Variants in DOCK9 observed in about 807,000 individuals in gnomAD.
DOCK9 encodes the protein dedicator of cytokinesis 9.
In DOCK9, 89 loss-of-function variants were observed where a neutral mutation model predicts 263.3. That is an observed-to-expected ratio of 0.34 (90% CI 0.28 to 0.40). The LOEUF is 0.40. DOCK9 is among the 10% of genes least tolerant of loss of function. The pLI, the probability that DOCK9 is intolerant of heterozygous loss-of-function variation, is 1.00. For missense variants in DOCK9, 2,140 were observed against 2,603.4 expected (o/e 0.82, Z 3.87); for synonymous variants, 976 against 973.1 (o/e 1.00, Z -0.06).
At chr13:99,083,497 G>C (rs2042209927) in intron 1 of DOCK9, among the ~76,000 whole-genome samples, 1 of 152,034 alleles carries the variant, frequency 6.6e-6, no homozygotes, top group African/African-American at 2.4e-5. Context: ...TATAAGGCCT[G>C]GGACTCACAA....
At chr13:99,026,757 T>C (rs185235159) in intron 1 of DOCK9, among the ~76,000 whole-genome samples, 2 of 151,934 alleles carry the variant, frequency 1.3e-5, no homozygotes, top group African/African-American at 4.8e-5. Context: ...TGGAAAAAGG[T>C]TAACAGGAGA....
intron 1 of DOCK9, among the ~76,000 whole-genome samples, chr13:99,083,061 C>A (rs913119513): frequency 6.6e-6 from 1 of 152,084 alleles, no homozygotes; most frequent in African/African-American, 2.4e-5. Flanking sequence ...TTGAGACCAG[C>A]CTAGCCAACA....
chr13:98,970,599 G>A (rs1048349937), intron 1 of DOCK9, among the ~76,000 whole-genome samples: 6 of 152,106 alleles, frequency 3.9e-5, no homozygotes, highest in East Asian at 3.8e-4. Flanking sequence ...GCTCCTCCCC[G>A]GGAACCTGGC....
intron 1 of DOCK9, among the ~76,000 whole-genome samples, chr13:98,996,164 T>C (rs912688): frequency 0.55 from 83,121 of 151,980 alleles, 23,006 homozygotes; most frequent in South Asian, 0.68. Flanking sequence ...TGACCACATA[T>C]AGACAGGTGG....
intron 1 of DOCK9, among the ~76,000 whole-genome samples, chr13:98,988,008 A>C (rs1015594875): frequency 8.5e-5 from 13 of 152,194 alleles, no homozygotes; most frequent in African/African-American, 3.1e-4. Flanking sequence ...GTGTGTCAGA[A>C]ATGTGAAACA....
intron 1 of DOCK9, among the ~76,000 whole-genome samples, chr13:98,986,864 G>A (rs1878586503): frequency 6.6e-6 from 1 of 152,174 alleles, no homozygotes; most frequent in Non-Finnish European, 1.5e-5. Context: ...TTCACAGGTA[G>A]ATATGCTACA....
intron 1 of DOCK9, among the ~76,000 whole-genome samples, chr13:99,023,605 A>G (rs937866050): frequency 6.6e-6 from 1 of 152,250 alleles, no homozygotes; most frequent in Admixed American, 6.5e-5. Context: ...TGATGTGTAC[A>G]CTTAAAAATA....
At chr13:98,882,150 G>A (rs78693392) in intron 23 of DOCK9, 143 bp from the exon 24 acceptor site, 127 of 701,716 alleles carry the variant, frequency 1.8e-4, no homozygotes, top group African/African-American at 1.4e-3. Context: ...CCCCAGAGGC[G>A]TCTGTGTCTT....
intron 1 of DOCK9, among the ~76,000 whole-genome samples, chr13:99,077,052 G>A (rs1383645128): frequency 1.3e-5 from 2 of 152,104 alleles, no homozygotes; most frequent in African/African-American, 4.8e-5. Flanking sequence ...CCTGGAGTAT[G>A]AGAGAGGCTG....
At chr13:98,866,173 C>T (rs1310983941) in intron 30 of DOCK9, among the ~76,000 whole-genome samples, 1 of 152,146 alleles carries the variant, frequency 6.6e-6, no homozygotes, top group Non-Finnish European at 1.5e-5. Flanking sequence ...GTTTGTTCTC[C>T]TTAGGATGCA....
At chr13:98,908,597 T>A (rs1212038363) in intron 9 of DOCK9, among the ~76,000 whole-genome samples, 4 of 152,208 alleles carry the variant, frequency 2.6e-5, no homozygotes, top group African/African-American at 9.6e-5. Flanking sequence ...ATCTATGAAA[T>A]ATTTTTAAGT....
At chr13:98,852,445 A>T (rs887183615) in intron 35 of DOCK9, among the ~76,000 whole-genome samples, 1 of 152,144 alleles carries the variant, frequency 6.6e-6, no homozygotes, top group Non-Finnish European at 1.5e-5. Context: ...TGGGGAAAAA[A>T]AAAAGCCAGG....
chr13:98,963,405 C>G (rs2058870570), intron 1 of DOCK9, among the ~76,000 whole-genome samples: 1 of 152,234 alleles, frequency 6.6e-6, no homozygotes, highest in Non-Finnish European at 1.5e-5. Context: ...CGCCCACAAA[C>G]TGAGTTCAGT....
intron 41 of DOCK9, 142 bp downstream of exon 41, chr13:98,831,206 C>A: frequency 1.2e-6 from 1 of 861,280 alleles, no homozygotes; most frequent in Non-Finnish European, 1.7e-6. Context: ...ATAAACCAAG[C>A]CAGCAAACGT....
chr13:98,883,858 T>C lies in DOCK9; in HGVS notation c.2424A>G (p.Pro808=), dbSNP rs754102089. Residue 808 remains proline, a synonymous_variant, in exon 22 of 53, where the codon CCA becomes CCG. Coordinates refer to ENST00000682017, the MANE Select transcript of DOCK9 (RefSeq NM_001366683.2). ...CCAGATGAGTGGAAATTTTCAGCAG[T>C]GGCTTGCCTCCATCTACCCATTTAA... ...PEIKWVDGGK[P]LLKISTHLVS... The C allele has an allele frequency of 3.9e-5, 63 of 1,612,594 alleles. No homozygotes were observed. Among genetic ancestry groups the C allele is most frequent in the Non-Finnish European group, 5.1e-5 (60 of 1,179,494 alleles).
chr13:99,066,023 T>C lies in DOCK9; in HGVS notation c.129+20200A>G, dbSNP rs144968433. Reference sequence around the variant, plus strand: ...CTTATTTGTTTGCCAATCAAATAAATACTTGCTCATTTCTTTACCCAGGAG... The same window carrying C: ...CTTATTTGTTTGCCAATCAAATAAACACTTGCTCATTTCTTTACCCAGGAG... On this transcript the variant is annotated intron_variant, in intron 1 of 32. Transcript: ENST00000427887. 1.3e-3 allele frequency among the ~76,000 whole-genome samples: 205 copies of C among 152,368 alleles called. 2 individuals are homozygous for C. Among genetic ancestry groups the C allele is most frequent in the African/African-American group, 4.8e-3 (198 of 41,590 alleles).
chr13:98,811,697 G>A (rs565382401), intron 45 of DOCK9, among the ~76,000 whole-genome samples: 9 of 152,100 alleles, frequency 5.9e-5, no homozygotes, highest in African/African-American at 1.7e-4. Context: ...CGTGTGCCAC[G>A]GTCTGTATGC....
At chr13:98,938,584 T>A (rs912125363) in intron 2 of DOCK9, among the ~76,000 whole-genome samples, 21 of 152,250 alleles carry the variant, frequency 1.4e-4, no homozygotes, top group African/African-American at 4.8e-4. Context: ...TAATTATTTT[T>A]CTTTATGGAA....
chr13:99,082,281 G>A (rs1303696791), intron 1 of DOCK9, among the ~76,000 whole-genome samples: 1 of 151,710 alleles, frequency 6.6e-6, no homozygotes, highest in Non-Finnish European at 1.5e-5. Flanking sequence ...ACTTTGGGAG[G>A]CCGAGGTGGG....
Sources: allele counts gnomAD v4.1 joint callset (sites outside exome capture counted in the v4.1 genomes callset), GRCh38; gene constraint gnomAD v4.1.1; transcripts MANE v1.5; gene names NCBI Gene and HGNC (gene_info 2026-07-23, HGNC 2026-07-21).